The following ATP8A1 variants were observed in gnomAD, a reference collection of about 807,000 sequenced individuals.
The protein encoded by ATP8A1 is phospholipid-transporting ATPase IA.
A neutral mutation model predicts 177.7 loss-of-function variants in ATP8A1; 90 were observed. The observed-to-expected ratio is 0.51, with a 90% CI of 0.43 to 0.60. The LOEUF is 0.60. ATP8A1 is among the 20% of genes least tolerant of loss of function. The pLI is 0.00. For missense variants in ATP8A1, 1,072 were observed against 1,392.8 expected, an observed-to-expected ratio of 0.77 and a Z score of 3.67; for synonymous variants, 493 against 485.9, an observed-to-expected ratio of 1.01 and a Z score of -0.19.
chr4:42,489,648 A>G (rs1722546540), intron 24 of ATP8A1, among the ~76,000 whole-genome samples: 1 of 152,186 alleles, frequency 6.6e-6, no homozygotes, highest in Admixed American at 6.5e-5. Flanking sequence ...TGCCAGTTAC[A>G]AGTTATATTT....
chr4:42,472,567 C>G (rs1720551789), intron 25 of ATP8A1, among the ~76,000 whole-genome samples: 1 of 151,816 alleles, frequency 6.6e-6, no homozygotes. Context: ...GCCAACATAC[C>G]TGTCTCTACT....
At chr4:42,476,257 G>A (rs2153186855) in intron 25 of ATP8A1, among the ~76,000 whole-genome samples, 1 of 152,190 alleles carries the variant, frequency 6.6e-6, no homozygotes, top group Middle Eastern at 3.4e-3. Context: ...CTCCTTCCTA[G>A]CATATACAAA....
intron 22 of ATP8A1, among the ~76,000 whole-genome samples, chr4:42,518,328 T>C (rs1481113193): frequency 2.0e-5 from 3 of 152,244 alleles, no homozygotes; most frequent in Non-Finnish European, 4.4e-5. Context: ...TTCAAATATG[T>C]TCAGAAACAT....
At position 42,524,763 on chromosome 4, in the gene ATP8A1, C is replaced by A; in HGVS notation, c.1807G>T (p.Gly603Trp). The change falls in exon 21 of 37, where the codon GGG becomes TGG. Residue 603 changes from glycine (G) to tryptophan (W), a missense_variant and splice_region_variant. This residue lies in a region of ATP8A1 where 388 missense variants were observed against 471.7 expected (regional missense o/e 0.82). Transcript: ENST00000381668. The part of the protein sequence containing the change: ...LKHLEQFATE[G>W]LRTLCFAVAE... ...TGCTTTATTGCCAAATTACACTTAC[C>A]TTCTGTAGCAAACTGCTCTAAATGT... 6.3e-7 allele frequency: 1 copy of A among 1,595,408 alleles called. No individual in the cohort carries two copies. The highest frequency in any genetic ancestry group is 1.1e-5 in the South Asian group (1 of 89,104).
At chr4:42,650,121 C>A (rs1441911015) in intron 1 of ATP8A1, among the ~76,000 whole-genome samples, 1 of 152,212 alleles carries the variant, frequency 6.6e-6, no homozygotes, top group Admixed American at 6.5e-5. Flanking sequence ...TGCAAACATT[C>A]CCACAGCTGT....
In ATP8A1 at chr4:42,588,141, C is replaced by T; in HGVS notation, c.594+119G>A. The T allele has an allele frequency of 4.1e-6, 3 of 731,732 alleles. No individual in the cohort carries two copies. The South Asian group carries it at 6.5e-5, about 16-fold the overall frequency. The allele number at this position is 731,732 out of a possible 1,614,324, so 45.3% of individuals were successfully genotyped here. A position where few individuals can be genotyped will look rare whatever the true frequency, so the allele number is the denominator to read the frequency against. On this transcript the variant is annotated intron_variant, in intron 8 of 36. Coordinates refer to ENST00000381668, the MANE Select transcript of ATP8A1 (RefSeq NM_006095.2). ...TTTATAAAACCTCTTTGTTGTGGTT[C>T]CATGGGAACATATTTGCAATAGGAC...
intron 22 of ATP8A1, among the ~76,000 whole-genome samples, chr4:42,509,142 C>T (rs887501093): frequency 6.6e-6 from 1 of 152,192 alleles, no homozygotes; most frequent in African/African-American, 2.4e-5. Flanking sequence ...AAATTTGTAG[C>T]TCGACCATAC....
rs112936249 is a variant in ATP8A1, at chr4:42,628,084, G to T, written c.50-975C>A. The stretch of plus-strand genomic sequence containing the variant: ...TGGGAACTCCCTAGGGCCATAGAGG[G>T]TGTGTTATTCATCTTCTCAACACCA... On this transcript the variant is annotated intron_variant, in intron 1 of 36. Coordinates refer to ENST00000381668, the MANE Select transcript of ATP8A1 (RefSeq NM_006095.2). Among the ~76,000 whole-genome samples the T allele has an allele frequency of 5.3e-3, 802 of 152,268 alleles. 10 individuals are homozygous for T. Among genetic ancestry groups the T allele is most frequent in the African/African-American group, 0.018 (747 of 41,542 alleles).
intron 16 of ATP8A1, among the ~76,000 whole-genome samples, chr4:42,554,956 C>A (rs1729905447): frequency 6.6e-6 from 1 of 152,168 alleles, no homozygotes; most frequent in Non-Finnish European, 1.5e-5. Flanking sequence ...ATGCTTCCTG[C>A]CCTCAAACAT....
chr4:42,494,414 G>T (rs1402647183), intron 24 of ATP8A1, among the ~76,000 whole-genome samples: 1 of 152,192 alleles, frequency 6.6e-6, no homozygotes, highest in Non-Finnish European at 1.5e-5. Flanking sequence ...GGTGAAGGTT[G>T]CAGTGAGCCG....
In ATP8A1 at chr4:42,455,389, C is replaced by T. The variant is rs1308519985; in HGVS notation, c.2725G>A (p.Gly909Arg). The T allele has an allele frequency of 6.2e-7, 1 of 1,613,874 alleles. No individual in the cohort carries two copies. Among genetic ancestry groups the T allele is most frequent in the South Asian group, 1.1e-5 (1 of 91,074 alleles). ...TTTCTGCATGATCTCTCAAATATTCCAAGAGTTAAAGGAGGCATTGCTGTA... is the reference window on the plus strand; with the variant it reads ...TTTCTGCATGATCTCTCAAATATTCTAAGAGTTAAAGGAGGCATTGCTGTA... Reference protein sequence around the residue: ...MFTAMPPLTLGIFERSCRKEN... With the variant: ...MFTAMPPLTLRIFERSCRKEN... Residue 909 changes from glycine (G) to arginine (R), a missense_variant, in exon 29 of 37, where the codon GGA becomes AGA. Gly to Arg is a moderately radical substitution (Grantham distance 125, BLOSUM62 -2). Transcript: ENST00000381668.
At chr4:42,563,064 G>A (rs1350637739) in intron 15 of ATP8A1, among the ~76,000 whole-genome samples, 2 of 152,208 alleles carry the variant, frequency 1.3e-5, no homozygotes, top group East Asian at 3.8e-4. Flanking sequence ...AATAGGCAGA[G>A]GTTGAAACAG....
chr4:42,459,550 T>C (rs1718859886), intron 27 of ATP8A1: 2 of 329,898 alleles, frequency 6.1e-6, no homozygotes, highest in Admixed American at 3.6e-5. Flanking sequence ...GAGAAGAACA[T>C]ATAAATAGAA....
At chr4:42,607,772 AG>A (rs1161777183) in intron 5 of ATP8A1, among the ~76,000 whole-genome samples, 1 of 152,192 alleles carries the variant, frequency 6.6e-6, no homozygotes, top group African/African-American at 2.4e-5. Flanking sequence ...GATTTCAACA[AG>A]GAGGTGACTG....
intron 15 of ATP8A1, among the ~76,000 whole-genome samples, chr4:42,565,865 G>A (rs1449192861): frequency 6.6e-6 from 1 of 152,166 alleles, no homozygotes; most frequent in Non-Finnish European, 1.5e-5. Flanking sequence ...CTACATTGAT[G>A]TTAAGAATAA....
chr4:42,589,455 A>C (rs576457741), intron 7 of ATP8A1, among the ~76,000 whole-genome samples: 3 of 152,316 alleles, frequency 2.0e-5, no homozygotes, highest in East Asian at 3.9e-4. Flanking sequence ...CATGTAGCTT[A>C]ATTTTGTGGC....
intron 24 of ATP8A1, among the ~76,000 whole-genome samples, chr4:42,500,296 C>A: frequency 6.6e-6 from 1 of 151,948 alleles, no homozygotes; most frequent in East Asian, 1.9e-4. Flanking sequence ...ACCCAGAAGG[C>A]GGAGGTTGCG....
At chr4:42,517,302 A>C (rs1000443205) in intron 22 of ATP8A1, among the ~76,000 whole-genome samples, 4 of 152,052 alleles carry the variant, frequency 2.6e-5, no homozygotes, top group Non-Finnish European at 5.9e-5. Flanking sequence ...AAAAAAAAAA[A>C]AAAAAAACAA....
At chr4:42,480,930 T>C (rs1721609498) in intron 25 of ATP8A1, among the ~76,000 whole-genome samples, 1 of 152,234 alleles carries the variant, frequency 6.6e-6, no homozygotes, top group African/African-American at 2.4e-5. Flanking sequence ...CGATGATTAC[T>C]AGACAGTCTA....
Sources: gnomAD v4.1 joint callset for allele counts (sites outside exome capture counted in the v4.1 genomes callset) on GRCh38, gnomAD v4.1.1 for gene constraint, gnomAD v4.1.1 regional missense constraint, MANE v1.5 for transcripts, NCBI Gene and HGNC (gene_info 2026-07-23, HGNC 2026-07-21) for gene names.